Variants in CACNB1 observed in about 807,000 individuals in gnomAD.
CACNB1 encodes voltage-dependent L-type calcium channel subunit beta-1.
A neutral mutation model predicts 71.6 loss-of-function variants in CACNB1; 29 were observed. The ratio of observed to expected loss-of-function variants is 0.40; its 90% CI spans 0.30 to 0.55. The LOEUF (loss-of-function observed/expected upper bound fraction) is 0.55. Ranked by LOEUF, CACNB1 falls within the 20% of genes least tolerant of loss-of-function variation. CACNB1 has a pLI of 0.38. For synonymous variants in CACNB1, 300 were observed against 319.6 expected, an observed-to-expected ratio of 0.94 and a Z score of 0.65; for missense variants, 623 against 801.8, an observed-to-expected ratio of 0.78 and a Z score of 2.69.
In CACNB1 at chr17:39,186,552, C is replaced by G. The variant is rs567945626; in HGVS notation, c.572G>C (p.Ser191Thr). 1.9e-6 allele frequency: 3 copies of G among 1,613,834 alleles called. No individual in the cohort carries two copies. In the East Asian group the frequency reaches 6.7e-5, roughly 36 times the overall value. The part of the protein sequence containing the change: ...LGSSKSGDNS[S>T]SSLGDVVTGT... ...AGTCACCACATCTCCCAGACTGGAA[C>G]TGGAGTTATCGCCTGATTTGCTGTG... Residue 191 changes from serine (S) to threonine (T), a missense_variant, in exon 6 of 14, where the codon AGT becomes ACT. Ser to Thr is a moderately conservative substitution (Grantham distance 58, BLOSUM62 1). Coordinates refer to ENST00000394303, the MANE Select transcript of CACNB1 (RefSeq NM_000723.5). This position sits in a 1 kb window ranked among gnomAD's most constrained non-coding sequence, Gnocchi z 4.1.
intron 1 of CACNB1, among the ~76,000 whole-genome samples, chr17:39,196,733 C>G (rs912554858): frequency 1.3e-5 from 2 of 151,234 alleles, no homozygotes; most frequent in South Asian, 2.1e-4. Flanking sequence ...GCTTCCCCCC[C>G]TCCTATGAGT....
intron 12 of CACNB1, 115 bp downstream of exon 12, chr17:39,177,869 C>A: frequency 1.2e-6 from 1 of 842,538 alleles, no homozygotes; most frequent in African/African-American, 1.7e-5. Context: ...CCAGTCTGCA[C>A]CCACAGGCCT....
chr17:39,184,749 C>T (rs2045888597), intron 8 of CACNB1, 35 bp downstream of exon 8: 2 of 1,389,466 alleles, frequency 1.4e-6, no homozygotes, highest in Non-Finnish European at 2.1e-6. Flanking sequence ...CTTTCTAAGG[C>T]CCCTCTGCAT....
chr17:39,186,582 C>G lies in CACNB1; in HGVS notation c.552-10G>C. On this transcript the variant is annotated splice_polypyrimidine_tract_variant and intron_variant, in intron 5 of 13. Coordinates refer to ENST00000394303, the MANE Select transcript of CACNB1 (RefSeq NM_000723.5). This position sits in a 1 kb window ranked among gnomAD's most constrained non-coding sequence, Gnocchi z 4.1. ...GTTATCGCCTGATTTGCTGTGTGGG[C>G]AGAGGCAAACCGAGCTTGTGAGCAA... The G allele has an allele frequency of 3.7e-6, 6 of 1,611,948 alleles. No homozygotes were observed. The highest frequency in any genetic ancestry group is 3.3e-5 in the South Asian group (3 of 90,802).
chr17:39,196,086 G>C (rs903008460), intron 1 of CACNB1, among the ~76,000 whole-genome samples: 2 of 152,130 alleles, frequency 1.3e-5, no homozygotes, highest in African/African-American at 4.8e-5. Context: ...CCAAGTCCCC[G>C]CCCTTGGTCT....
In CACNB1 at chr17:39,184,093, G is replaced by A. The variant is rs2045865138; in HGVS notation, c.836C>T (p.Ser279Leu). The A allele has an allele frequency of 1.2e-6, 2 of 1,613,724 alleles. No homozygotes were observed. Among genetic ancestry groups the A allele is most frequent in the Non-Finnish European group, 1.7e-6 (2 of 1,179,778 alleles). The stretch of plus-strand genomic sequence containing the variant: ...GTGTTTGCTGGGGTTGTTGAGAACT[G>A]AGCGCTTAGCCAGGGAAATATCTGC... The part of the protein sequence containing the change: ...VTADISLAKR[S>L]VLNNPSKHII... Residue 279 changes from serine (S) to leucine (L), a missense_variant, in exon 10 of 14, where the codon TCA becomes TTA. Transcript: ENST00000394303.
chr17:39,173,571 A>G lies in CACNB1; in HGVS notation c.*1622T>C, dbSNP rs1398669963. The stretch of plus-strand genomic sequence containing the variant: ...TACTTGTGGAGAGACAGGTAAGTGA[A>G]GGGGCTCAGGGCCAGTGTGGAGCTG... On this transcript the variant is annotated 3_prime_UTR_variant, in exon 14 of 14. Coordinates refer to ENST00000394303, the MANE Select transcript of CACNB1 (RefSeq NM_000723.5). 1 of 152,402 alleles carries G rather than the reference A, an allele frequency of 6.6e-6. No homozygotes were observed. The highest frequency in any genetic ancestry group is 1.5e-5 in the Non-Finnish European group (1 of 68,066). The allele number at this position is 152,402 out of a possible 1,614,324, so 9.4% of individuals were successfully genotyped here.
chr17:39,180,321 T>C (rs1471612682), intron 11 of CACNB1, among the ~76,000 whole-genome samples: 2 of 151,174 alleles, frequency 1.3e-5, no homozygotes, highest in Non-Finnish European at 2.9e-5. Flanking sequence ...AATTTTACAA[T>C]TGCATCATGG....
In CACNB1 at chr17:39,184,301, G is replaced by C. The variant is rs752431863; in HGVS notation, c.788+24C>G. On this transcript the variant is annotated intron_variant, in intron 9 of 13. Transcript: ENST00000394303. ...AGCAGCAGAGAGCAACGGCAGGTGC[G>C]AGGAGCAGCTCCCAGGATCTTACCT... 1.7e-5 allele frequency: 25 copies of C among 1,499,982 alleles called. No individual in the cohort carries two copies. In the East Asian group the frequency reaches 5.9e-4, roughly 35 times the overall value. The allele number at this position is 1,499,982 out of a possible 1,614,324, so 92.9% of individuals were successfully genotyped here.
rs2045567046 is a variant in CACNB1, at chr17:39,175,915, A to G, written c.1333-258T>C. Among the ~76,000 whole-genome samples the G allele has an allele frequency of 6.6e-6, 1 of 152,148 alleles. No homozygotes were observed. ...GGACATATGAACTCTCAGGGCAACT[A>G]TGGCCAACAGCCGTGAGCCATGAGT... On this transcript the variant is annotated intron_variant, in intron 13 of 13. Coordinates refer to ENST00000394303, the MANE Select transcript of CACNB1 (RefSeq NM_000723.5). This position sits in a 1 kb window ranked among gnomAD's most constrained non-coding sequence, Gnocchi z 4.7.
intron 7 of CACNB1, 56 bp downstream of exon 7, chr17:39,185,074 TC>T: frequency 6.6e-7 from 1 of 1,520,038 alleles, no homozygotes; most frequent in Non-Finnish European, 9.1e-7. Context: ...TGTTAGAAGG[TC>T]CCCCTAGCTC....
intron 3 of CACNB1, among the ~76,000 whole-genome samples, chr17:39,190,453 A>G (rs2879211): frequency 0.11 from 16,497 of 152,128 alleles, 921 homozygotes; most frequent in South Asian, 0.13. Context: ...TTTGAGACAG[A>G]GTCTCGCTCT....
At chr17:39,191,798 T>C in intron 2 of CACNB1, 1 of 547,298 alleles carries the variant, frequency 1.8e-6, no homozygotes, top group South Asian at 2.5e-5. Context: ...GTGGCCCTAG[T>C]GAGGGTGACA....
chr17:39,191,950 C>T (rs555158533), intron 2 of CACNB1: 1 of 295,558 alleles, frequency 3.4e-6, no homozygotes, highest in South Asian at 3.5e-5. Context: ...CCCCTGCCCC[C>T]AGCACCCGCT....
chr17:39,193,091 T>C (rs772056546), intron 2 of CACNB1: 6 of 191,472 alleles, frequency 3.1e-5, no homozygotes, highest in African/African-American at 4.8e-5. Flanking sequence ...CCAACACAAA[T>C]GCAGGCATAC....
At chr17:39,178,385 GT>G (rs75009744) in intron 11 of CACNB1, 2,463 of 167,972 alleles carry the variant, frequency 0.015, 1 homozygote, top group Middle Eastern at 0.043. Flanking sequence ...CTTTTTTTTT[GT>G]TTTTTTTTTT....
intron 3 of CACNB1, among the ~76,000 whole-genome samples, chr17:39,188,435 C>T (rs551603752): frequency 4.6e-5 from 7 of 152,120 alleles, no homozygotes; most frequent in South Asian, 4.2e-4. Flanking sequence ...ATTAGCTGGG[C>T]GCAGTGGCAG....
intron 3 of CACNB1, among the ~76,000 whole-genome samples, chr17:39,190,075 C>A (rs1424540072): frequency 6.6e-6 from 1 of 151,740 alleles, no homozygotes; most frequent in Non-Finnish European, 1.5e-5. Context: ...GAGATCGCAC[C>A]ACTGTACCCC....
At chr17:39,190,648 G>A (rs1027969045) in intron 3 of CACNB1, among the ~76,000 whole-genome samples, 4 of 151,286 alleles carry the variant, frequency 2.6e-5, no homozygotes, top group African/African-American at 9.7e-5. Context: ...AGCTGGTCTC[G>A]AACTCCTGAC....
Sources: gnomAD v4.1 joint callset for allele counts (sites outside exome capture counted in the v4.1 genomes callset) on GRCh38, gnomAD v4.1.1 for gene constraint, Gnocchi (gnomAD v3.1) non-coding constraint, MANE v1.5 for transcripts, NCBI Gene and HGNC (gene_info 2026-07-23, HGNC 2026-07-21) for gene names.